The following GMDS variants were observed in gnomAD, a reference collection of about 807,000 sequenced individuals.
GMDS encodes GDP-mannose 4,6 dehydratase.
In GMDS, 20 loss-of-function variants were observed where a neutral mutation model predicts 49.9. The observed-to-expected ratio is 0.40, with a 90% CI of 0.28 to 0.58. GMDS has a LOEUF of 0.58. GMDS is among the 20% of genes least tolerant of loss of function. The pLI is 0.42. For synonymous variants in GMDS, 177 were observed against 178.6 expected (o/e 0.99, Z 0.07); for missense variants, 362 against 481.4 (o/e 0.75, Z 2.32).
At chr6:1,884,556 T>C (rs1759510630) in intron 7 of GMDS, among the ~76,000 whole-genome samples, 1 of 152,202 alleles carries the variant, frequency 6.6e-6, no homozygotes. Context: ...GAGGCTAACA[T>C]AACACAGTCC....
At chr6:1,859,450 C>T (rs1161017457) in intron 7 of GMDS, among the ~76,000 whole-genome samples, 1 of 152,194 alleles carries the variant, frequency 6.6e-6, no homozygotes, top group African/African-American at 2.4e-5. Context: ...AAAACTGCAA[C>T]ATTTCAGCTG....
intron 1 of GMDS, among the ~76,000 whole-genome samples, chr6:2,137,459 G>A (rs543692265): frequency 2.0e-5 from 3 of 151,058 alleles, no homozygotes; most frequent in Admixed American, 6.6e-5. Context: ...TCAGCCTCCC[G>A]AGTAGCTGGG....
intron 4 of GMDS, among the ~76,000 whole-genome samples, chr6:2,023,911 T>G (rs945796551): frequency 6.6e-6 from 1 of 152,008 alleles, no homozygotes; most frequent in African/African-American, 2.4e-5. Context: ...AATATGTGAG[T>G]GAAGCAAGGA....
chr6:1,786,248 C>T (rs1374507042), intron 7 of GMDS, among the ~76,000 whole-genome samples: 1 of 152,216 alleles, frequency 6.6e-6, no homozygotes. Context: ...TAAATTGCAG[C>T]CATCAATGAG....
At chr6:1,734,079 T>C (rs1766923724) in intron 8 of GMDS, among the ~76,000 whole-genome samples, 1 of 152,186 alleles carries the variant, frequency 6.6e-6, no homozygotes, top group South Asian at 2.1e-4. Flanking sequence ...ACAGCGCTAG[T>C]GTAAACGGTG....
intron 7 of GMDS, among the ~76,000 whole-genome samples, chr6:1,905,441 A>G (rs1268125872): frequency 1.4e-5 from 2 of 145,190 alleles, no homozygotes; most frequent in Non-Finnish European, 3.0e-5. Context: ...TGGGGCCAGC[A>G]CATAGCTATG....
intron 1 of GMDS, among the ~76,000 whole-genome samples, chr6:2,208,126 A>G (rs9392372): frequency 0.17 from 25,921 of 151,946 alleles, 2,391 homozygotes; most frequent in Middle Eastern, 0.28. Flanking sequence ...ACATCATGTA[A>G]GAGAAGTCTG....
intron 7 of GMDS, among the ~76,000 whole-genome samples, chr6:1,798,738 T>TATCCGAAATATATAATC (rs1769834724): frequency 6.6e-6 from 1 of 152,204 alleles, no homozygotes; most frequent in African/African-American, 2.4e-5. Context: ...AAGTTCTGTT[T>TATCCGAAATATATAATC]TGCCAGTGCC....
chr6:2,173,018 C>T (rs1778095986), intron 1 of GMDS, among the ~76,000 whole-genome samples: 3 of 152,120 alleles, frequency 2.0e-5, no homozygotes, highest in South Asian at 4.2e-4. Flanking sequence ...TACACAATGC[C>T]GTGTTCTCAG....
intron 7 of GMDS, among the ~76,000 whole-genome samples, chr6:1,823,911 C>T (rs1446858911): frequency 6.6e-6 from 1 of 152,166 alleles, no homozygotes; most frequent in Non-Finnish European, 1.5e-5. Context: ...CCACTTGCTA[C>T]ACCAGAATGG....
rs995151406 is a variant in GMDS, at chr6:2,191,781, G to C, written c.102+53540C>G. ...CAGGTACCCCATGGATGAGCAGCCT[G>C]GGTACCACAGACCATGGCAGGAAGC... On this transcript the variant is annotated intron_variant, in intron 1 of 10. Coordinates refer to ENST00000380815, the MANE Select transcript of GMDS (RefSeq NM_001500.4). This position sits in a 1 kb window ranked among gnomAD's most constrained non-coding sequence, Gnocchi z 4.6. 3.9e-5 allele frequency among the ~76,000 whole-genome samples: 6 copies of C among 152,202 alleles called. No homozygotes were observed. The highest frequency in any genetic ancestry group is 6.5e-5 in the Admixed American group (1 of 15,290).
At chr6:1,665,608 C>T (rs1046569447) in intron 9 of GMDS, among the ~76,000 whole-genome samples, 22 of 152,158 alleles carry the variant, frequency 1.4e-4, no homozygotes, top group African/African-American at 4.3e-4. Flanking sequence ...GGAAGGTGCA[C>T]GGGGCAGAAG....
At chr6:2,068,969 A>T (rs1345055030) in intron 4 of GMDS, among the ~76,000 whole-genome samples, 1 of 152,232 alleles carries the variant, frequency 6.6e-6, no homozygotes, top group Non-Finnish European at 1.5e-5. Context: ...GTCAAGCCTA[A>T]GTCAAAAGAA....
intron 1 of GMDS, among the ~76,000 whole-genome samples, chr6:2,156,972 A>G (rs1046361642): frequency 6.6e-6 from 1 of 152,244 alleles, no homozygotes; most frequent in Non-Finnish European, 1.5e-5. Flanking sequence ...AAAATCACAG[A>G]AAAACTAGTT....
chr6:2,063,512 C>A (rs952684595), intron 4 of GMDS, among the ~76,000 whole-genome samples: 1 of 152,058 alleles, frequency 6.6e-6, no homozygotes, highest in South Asian at 2.1e-4. Flanking sequence ...CAAACCAAAC[C>A]ATAATAAATG....
intron 4 of GMDS, among the ~76,000 whole-genome samples, chr6:1,972,978 G>A (rs780317190): frequency 2.0e-5 from 3 of 152,178 alleles, no homozygotes; most frequent in Admixed American, 6.5e-5. Flanking sequence ...AGTCCATGGC[G>A]TAAGAAAGGT....
At chr6:1,930,435 C>T in intron 6 of GMDS, 2 of 444,408 alleles carry the variant, frequency 4.5e-6, no homozygotes, top group Non-Finnish European at 7.9e-6. Flanking sequence ...CCATGTGTCA[C>T]ATCAGCTCTA....
chr6:1,879,903 C>T (rs751849913), intron 7 of GMDS, among the ~76,000 whole-genome samples: 1 of 150,496 alleles, frequency 6.6e-6, no homozygotes, highest in Admixed American at 6.6e-5. Flanking sequence ...ATAAGAGGCA[C>T]GACCTACACT....
chr6:1,694,245 T>C (rs977513011), intron 9 of GMDS, among the ~76,000 whole-genome samples: 1 of 152,212 alleles, frequency 6.6e-6, no homozygotes, highest in Non-Finnish European at 1.5e-5. Context: ...AATCTACCCA[T>C]TAAACCACAG....
Sources: allele counts gnomAD v4.1 joint callset (sites outside exome capture counted in the v4.1 genomes callset), GRCh38; gene constraint gnomAD v4.1.1; non-coding constraint Gnocchi (gnomAD v3.1); transcripts MANE v1.5; gene names NCBI Gene and HGNC (gene_info 2026-07-23, HGNC 2026-07-21).